Variants in OR9Q1 observed in about 807,000 individuals in gnomAD.
The protein encoded by OR9Q1 is olfactory receptor family 9 subfamily Q member 1.
For synonymous variants in OR9Q1, 153 were observed against 148.6 expected, an observed-to-expected ratio of 1.03 and a Z score of -0.22; for missense variants, 374 against 378.8, an observed-to-expected ratio of 0.99 and a Z score of 0.11.
intron 1 of OR9Q1, among the ~76,000 whole-genome samples, chr11:58,048,692 ATATT>A (rs1454112847): frequency 1.4e-5 from 2 of 146,344 alleles, no homozygotes; most frequent in African/African-American, 5.0e-5. Context: ...ATATATATAT[ATATT>A]TTTTAGCAAG....
At chr11:58,100,101 T>G (rs2120083915) in intron 2 of OR9Q1, among the ~76,000 whole-genome samples, 1 of 152,330 alleles carries the variant, frequency 6.6e-6, no homozygotes, top group Admixed American at 6.5e-5. Context: ...AGGTAGTCTC[T>G]CATCCTTAAG....
At position 58,113,856 on chromosome 11, in the gene OR9Q1, C is replaced by T. The variant is rs564920997; in HGVS notation, c.-15+57909C>T. On this transcript the variant is annotated intron_variant, in intron 2 of 2. Coordinates refer to ENST00000335397, the MANE Select transcript of OR9Q1 (RefSeq NM_001005212.4). ...AATTGGAAAGCACATTGAATAGTCT[C>T]TGGAATGTATTTTATTTCCAAGCAT... Among the ~76,000 whole-genome samples, 4 of 147,192 alleles carry T rather than the reference C, an allele frequency of 2.7e-5. No individual in the cohort carries two copies. In the South Asian group the frequency reaches 8.4e-4, roughly 31 times the overall value.
Position 58,027,036 on chromosome 11 carries a change from G to C in OR9Q1, c.-93+2932G>C, listed in dbSNP as rs148078838. 1.3e-3 allele frequency among the ~76,000 whole-genome samples: 203 copies of C among 152,264 alleles called. 3 individuals carry two copies. The highest frequency in any genetic ancestry group is 4.3e-3 in the African/African-American group (179 of 41,552). On this transcript the variant is annotated intron_variant, in intron 1 of 2. Transcript: ENST00000335397. The stretch of plus-strand genomic sequence containing the variant: ...TGATGGCGATTCAAGCATTTTTCTA[G>C]AATCATTCAGTTTAGATTTTGGGTT...
At chr11:58,070,408 G>A (rs1487681572) in intron 2 of OR9Q1, among the ~76,000 whole-genome samples, 4 of 151,922 alleles carry the variant, frequency 2.6e-5, no homozygotes, top group African/African-American at 4.8e-5. Context: ...TAGTCCTGGC[G>A]TGTACACCGT....
At chr11:58,138,185 C>A (rs1590610288) in intron 2 of OR9Q1, among the ~76,000 whole-genome samples, 1 of 152,128 alleles carries the variant, frequency 6.6e-6, no homozygotes, top group Admixed American at 6.5e-5. Context: ...CCTCCTTTCC[C>A]AGAGCAGAGA....
chr11:58,075,717 A>G (rs958188656), intron 2 of OR9Q1, among the ~76,000 whole-genome samples: 1 of 152,150 alleles, frequency 6.6e-6, no homozygotes, highest in African/African-American at 2.4e-5. Flanking sequence ...TTAGAAGTAA[A>G]CTTCTGTTGT....
chr11:58,100,785 A>C (rs1407482546), intron 2 of OR9Q1, among the ~76,000 whole-genome samples: 3 of 152,208 alleles, frequency 2.0e-5, no homozygotes, highest in Non-Finnish European at 4.4e-5. Context: ...GAATGGATGA[A>C]GAAAACATGG....
intron 2 of OR9Q1, among the ~76,000 whole-genome samples, chr11:58,071,269 C>T (rs529796333): frequency 6.6e-6 from 1 of 152,278 alleles, no homozygotes; most frequent in East Asian, 1.9e-4. Flanking sequence ...AGGCAGATCA[C>T]TTGAGGCCAG....
At chr11:58,109,677 G>A (rs1209948828) in intron 2 of OR9Q1, 1 of 429,438 alleles carries the variant, frequency 2.3e-6, no homozygotes, top group South Asian at 1.7e-5. Flanking sequence ...CAATATAGCT[G>A]GTTCACCTGA....
intron 1 of OR9Q1, among the ~76,000 whole-genome samples, chr11:58,054,097 C>T (rs1853303427): frequency 6.6e-6 from 1 of 152,072 alleles, no homozygotes; most frequent in South Asian, 2.1e-4. Context: ...CACATTGTGC[C>T]CCATGAATAC....
intron 1 of OR9Q1, among the ~76,000 whole-genome samples, chr11:58,029,867 A>T (rs1481371672): frequency 7.2e-6 from 1 of 138,998 alleles, no homozygotes; most frequent in Non-Finnish European, 1.5e-5. Context: ...TTTGACATTA[A>T]GTCTTGCTCT....
intron 2 of OR9Q1, among the ~76,000 whole-genome samples, chr11:58,102,585 G>A (rs1362495279): frequency 1.3e-5 from 2 of 151,570 alleles, no homozygotes; most frequent in African/African-American, 4.8e-5. Flanking sequence ...AGCATTTTGA[G>A]TATATCATTT....
At chr11:58,107,096 T>C (rs1162246069) in intron 2 of OR9Q1, among the ~76,000 whole-genome samples, 2 of 150,960 alleles carry the variant, frequency 1.3e-5, no homozygotes, top group Admixed American at 1.3e-4. Flanking sequence ...TTCCAATTAA[T>C]GAATGTGGGA....
intron 2 of OR9Q1, among the ~76,000 whole-genome samples, chr11:58,139,892 T>C (rs1047734386): frequency 2.0e-5 from 3 of 151,888 alleles, no homozygotes; most frequent in Admixed American, 6.6e-5. Flanking sequence ...TAGTTTACAG[T>C]CCCACCAACA....
intron 2 of OR9Q1, chr11:58,109,350 G>A (rs1170322335): frequency 4.4e-6 from 2 of 459,706 alleles, no homozygotes; most frequent in Admixed American, 4.7e-5. Flanking sequence ...CACATATGGT[G>A]AAGAAAGAGA....
At chr11:58,162,081 C>A (rs759640041) in intron 2 of OR9Q1, among the ~76,000 whole-genome samples, 2 of 152,182 alleles carry the variant, frequency 1.3e-5, no homozygotes, top group African/African-American at 2.4e-5. Context: ...CTGTGTGGAA[C>A]CTTTTGATTT....
chr11:58,071,276 C>G (rs1590571301), intron 2 of OR9Q1, among the ~76,000 whole-genome samples: 1 of 152,008 alleles, frequency 6.6e-6, no homozygotes, highest in East Asian at 1.9e-4. Context: ...TCACTTGAGG[C>G]CAGGAGTTTG....
chr11:58,146,033 A>G (rs1828591479), intron 2 of OR9Q1, among the ~76,000 whole-genome samples: 1 of 152,242 alleles, frequency 6.6e-6, no homozygotes. Flanking sequence ...CCAAGATGGC[A>G]TAGAGGTCTC....
At chr11:58,128,475 A>G (rs563265628) in intron 2 of OR9Q1, among the ~76,000 whole-genome samples, 1 of 152,188 alleles carries the variant, frequency 6.6e-6, no homozygotes, top group Non-Finnish European at 1.5e-5. Context: ...AGAAATATTT[A>G]TGGAATCATT....
Sources: gnomAD v4.1 joint callset for allele counts (sites outside exome capture counted in the v4.1 genomes callset) on GRCh38, gnomAD v4.1.1 for gene constraint, MANE v1.5 for transcripts, NCBI Gene and HGNC (gene_info 2026-07-23, HGNC 2026-07-21) for gene names.